The following CHN1 variants were observed in gnomAD, a reference collection of about 807,000 sequenced individuals.
CHN1 encodes the protein N-chimaerin.
In CHN1, 37 loss-of-function variants were observed where a neutral mutation model predicts 59.5. The observed-to-expected ratio is 0.62, with a 90% CI of 0.48 to 0.82. The LOEUF is 0.82. Among genes scored for constraint, CHN1 ranks in the 40% least tolerant of loss-of-function variants. CHN1 has a pLI of 0.00. For missense variants in CHN1, 469 were observed against 571.0 expected, an observed-to-expected ratio of 0.82 and a Z score of 1.82; for synonymous variants, 206 against 200.4, an observed-to-expected ratio of 1.03 and a Z score of -0.24.
At chr2:174,948,928 A>C (rs1032299902) in intron 2 of CHN1, among the ~76,000 whole-genome samples, 2 of 152,220 alleles carry the variant, frequency 1.3e-5, no homozygotes, top group African/African-American at 4.8e-5. Context: ...CTATTAGTAG[A>C]AAATATTGTC....
chr2:174,891,289 A>G (rs75493178), intron 5 of CHN1, among the ~76,000 whole-genome samples: 5 of 151,946 alleles, frequency 3.3e-5, no homozygotes, highest in African/African-American at 1.2e-4. Context: ...AAATGAAAAT[A>G]GGCCGGGAGC....
At chr2:175,003,994 G>A (rs1001135212) in intron 1 of CHN1, among the ~76,000 whole-genome samples, 2 of 152,186 alleles carry the variant, frequency 1.3e-5, no homozygotes, top group Non-Finnish European at 2.9e-5. Context: ...CTGGAAACTT[G>A]ATATTGTGAA....
intron 5 of CHN1, among the ~76,000 whole-genome samples, chr2:174,879,038 C>A (rs1487934192): frequency 6.6e-6 from 1 of 152,186 alleles, no homozygotes; most frequent in African/African-American, 2.4e-5. Flanking sequence ...GCAACAAGAG[C>A]TGCCAGTGTA....
At position 174,812,388 on chromosome 2, in the gene CHN1, G is replaced by A; in HGVS notation, c.807C>T (p.Asp269=). ...TATGTGCTTTCACGAGCGTCGTAAG[G>A]TCACAGCTGTACACCTTTTTGACAT... ...LKHVKKVYSC[D]LTTLVKAHTT... is the part of the protein sequence containing the mutation. The change falls in exon 9 of 13, where the codon GAC becomes GAT. Residue 269 remains aspartate, a synonymous_variant. Transcript: ENST00000409900. 6.2e-7 allele frequency: 1 copy of A among 1,614,004 alleles called. No homozygotes were observed. The highest frequency in any genetic ancestry group is 8.5e-7 in the Non-Finnish European group (1 of 1,179,886).
At chr2:174,813,432 T>C (rs1179266414) in intron 8 of CHN1, among the ~76,000 whole-genome samples, 1 of 152,214 alleles carries the variant, frequency 6.6e-6, no homozygotes, top group African/African-American at 2.4e-5. Flanking sequence ...TCCCCAATTT[T>C]AACACCTAGA....
chr2:175,004,886 G>A lies in CHN1; in HGVS notation c.19+8C>T. 1.3e-6 allele frequency: 2 copies of A among 1,504,382 alleles called. No individual in the cohort carries two copies. Among genetic ancestry groups the A allele is most frequent in the Non-Finnish European group, 1.8e-6 (2 of 1,127,954 alleles). The allele number at this position is 1,504,382 out of a possible 1,614,324, so 93.2% of individuals were successfully genotyped here. The stretch of plus-strand genomic sequence containing the variant: ...CCTGCGGCGGCGCGGGGAGACGGCT[G>A]CACTTACCAAACAGGGTCAGGGCCA... On this transcript the variant is annotated splice_region_variant and intron_variant, in intron 1 of 12. Coordinates refer to ENST00000409900, the MANE Select transcript of CHN1 (RefSeq NM_001822.7).
chr2:174,824,845 A>G (rs369293895), intron 7 of CHN1, among the ~76,000 whole-genome samples: 16 of 152,270 alleles, frequency 1.1e-4, no homozygotes, highest in African/African-American at 3.8e-4. Flanking sequence ...TTCTGAGCTC[A>G]AGCATCTGCC....
In CHN1 at chr2:175,005,045, G is replaced by C. The variant is rs1692019924; in HGVS notation, c.-133C>G. The C allele has an allele frequency of 7.3e-7, 1 of 1,377,184 alleles. No homozygotes were observed. The highest frequency in any genetic ancestry group is 9.4e-7 in the Non-Finnish European group (1 of 1,062,302). The allele number at this position is 1,377,184 out of a possible 1,614,324, so 85.3% of individuals were successfully genotyped here. A position where few individuals can be genotyped will look rare whatever the true frequency, so the allele number is the denominator to read the frequency against. On this transcript the variant is annotated 5_prime_UTR_variant, in exon 1 of 13. Transcript: ENST00000409900. ...GATGGGGCGTGCTGGGGGCGCCGGC[G>C]CCCGGGGAGGCTGCAGGCCGGGACG...
chr2:174,864,161 T>C (rs1473725463), intron 6 of CHN1, among the ~76,000 whole-genome samples: 1 of 152,162 alleles, frequency 6.6e-6, no homozygotes, highest in Non-Finnish European at 1.5e-5. Flanking sequence ...AACTTCTAAA[T>C]AATAATAAAC....
intron 5 of CHN1, among the ~76,000 whole-genome samples, chr2:174,893,282 C>T (rs373375862): frequency 6.6e-6 from 1 of 151,998 alleles, no homozygotes; most frequent in African/African-American, 2.4e-5. Context: ...CTGCAGGATA[C>T]AAACATCAAC....
intron 6 of CHN1, among the ~76,000 whole-genome samples, chr2:174,876,917 A>G (rs953919906): frequency 6.6e-6 from 1 of 152,224 alleles, no homozygotes; most frequent in African/African-American, 2.4e-5. Flanking sequence ...AAGCACAGAC[A>G]AATTAGGTAT....
chr2:174,939,312 T>C (rs1369921578), intron 3 of CHN1, among the ~76,000 whole-genome samples: 3 of 152,178 alleles, frequency 2.0e-5, no homozygotes, highest in Non-Finnish European at 4.4e-5. Flanking sequence ...CGTACCTTAA[T>C]GTCACACCAA....
At chr2:174,819,899 G>A (rs1346252901) in intron 8 of CHN1, among the ~76,000 whole-genome samples, 1 of 141,996 alleles carries the variant, frequency 7.0e-6, no homozygotes, top group Non-Finnish European at 1.5e-5. Flanking sequence ...CCATCTATGA[G>A]TGAGAACATG....
At chr2:174,945,737 G>C (rs997420697) in intron 2 of CHN1, among the ~76,000 whole-genome samples, 32 of 151,462 alleles carry the variant, frequency 2.1e-4, no homozygotes, top group African/African-American at 7.8e-4. Context: ...AAGATATTTT[G>C]TCAACATAAC....
chr2:174,801,805 C>A lies in CHN1; in HGVS notation c.1110G>T (p.Met370Ile). The A allele has an allele frequency of 6.2e-7, 1 of 1,611,648 alleles. No homozygotes were observed. The highest frequency in any genetic ancestry group is 8.5e-7 in the Non-Finnish European group (1 of 1,178,088). The change falls in exon 12 of 13, where the codon ATG becomes ATT. Residue 370 changes from methionine to isoleucine, a missense_variant. This residue lies in a region of CHN1 where 225 missense variants were observed against 289.9 expected (regional missense o/e 0.78). Coordinates refer to ENST00000409900, the MANE Select transcript of CHN1 (RefSeq NM_001822.7). ...YPKFIESAKI[M>I]DPDEQLETLH... ...GGGTTTCCAATTGCTCATCCGGATC[C>A]ATAATTTCTAAAATAGCAAGTCGAA...
chr2:174,918,713 T>C (rs1235245556), intron 3 of CHN1, 148 bp from the exon 4 acceptor site: 1 of 591,500 alleles, frequency 1.7e-6, no homozygotes, highest in African/African-American at 1.9e-5. Flanking sequence ...TACCAGCAGG[T>C]TACCTGTGCC....
At chr2:174,945,578 T>A (rs1465871347) in intron 2 of CHN1, among the ~76,000 whole-genome samples, 1 of 152,116 alleles carries the variant, frequency 6.6e-6, no homozygotes, top group Non-Finnish European at 1.5e-5. Flanking sequence ...TACCATGACT[T>A]CCTTCTAGCC....
At chr2:174,899,234 A>G (rs1688313111) in intron 5 of CHN1, among the ~76,000 whole-genome samples, 1 of 152,236 alleles carries the variant, frequency 6.6e-6, no homozygotes, top group African/African-American at 2.4e-5. Context: ...GACACGATAC[A>G]TATGAATTAG....
chr2:174,842,384 T>A (rs1260124741), intron 7 of CHN1, among the ~76,000 whole-genome samples: 1 of 152,236 alleles, frequency 6.6e-6, no homozygotes, highest in East Asian at 1.9e-4. Flanking sequence ...CAAATCAACG[T>A]ATTGAAAATT....
Sources: allele counts gnomAD v4.1 joint callset (sites outside exome capture counted in the v4.1 genomes callset), GRCh38; gene constraint gnomAD v4.1.1; regional missense constraint gnomAD v4.1.1; transcripts MANE v1.5; gene names NCBI Gene and HGNC (gene_info 2026-07-23, HGNC 2026-07-21).